Variants in MISP observed in about 807,000 individuals in gnomAD.
MISP encodes the protein mitotic spindle positioning, also known as mitotic interactor and substrate of PLK1.
A neutral mutation model predicts 49.3 loss-of-function variants in MISP; 51 were observed. That is an observed-to-expected ratio of 1.03 (90% CI 0.83 to 1.31). The LOEUF is 1.31. Ranked by LOEUF, MISP falls within the 50% of genes most tolerant of loss-of-function variation. MISP has a pLI of 0.00. For synonymous variants in MISP, 444 were observed against 392.6 expected (o/e 1.13, Z -1.55); for missense variants, 1,084 against 935.1 (o/e 1.16, Z -2.08).
intron 1 of MISP, among the ~76,000 whole-genome samples, chr19:752,180 G>A (rs886819402): frequency 3.9e-5 from 6 of 152,276 alleles, no homozygotes; most frequent in African/African-American, 1.4e-4. Flanking sequence ...ACGGTTCCAA[G>A]GTGTTGCAGG....
At chr19:762,543 G>A (rs558738075) in intron 4 of MISP, among the ~76,000 whole-genome samples, 14 of 152,266 alleles carry the variant, frequency 9.2e-5, no homozygotes, top group Admixed American at 2.6e-4. Flanking sequence ...GTGAGCCACC[G>A]CACCCAGCCA....
chr19:751,386 A>G (rs2033457321), intron 1 of MISP, among the ~76,000 whole-genome samples: 1 of 152,102 alleles, frequency 6.6e-6, no homozygotes, highest in Admixed American at 6.5e-5. Flanking sequence ...TGGGGCCTCA[A>G]GGGCACCCAC....
upstream of MISP, among the ~76,000 whole-genome samples, chr19:748,575 C>T (rs954503646): frequency 6.6e-6 from 1 of 152,148 alleles, no homozygotes; most frequent in Non-Finnish European, 1.5e-5. Flanking sequence ...CCGGGGGGCC[C>T]TCGGGTTCTG....
In MISP at chr19:757,120, G is replaced by C; in HGVS notation, c.174G>C (p.Gln58His). The C allele has an allele frequency of 6.2e-7, 1 of 1,613,210 alleles. No homozygotes were observed. Among genetic ancestry groups the C allele is most frequent in the Non-Finnish European group, 8.5e-7 (1 of 1,179,866 alleles). ...CATGGCCCACTGACCACAGGGCCCA[G>C]CAGGGCGTGCAGAGGCAGGGGGTGT... is the stretch of plus-strand genomic sequence containing the variant. Reference protein sequence around the residue: ...PQTWPTDHRAQQGVQRQGVSY... With the variant: ...PQTWPTDHRAHQGVQRQGVSY... Residue 58 changes from glutamine (Q) to histidine (H), a missense_variant, in exon 2 of 5, where the codon CAG becomes CAC. Gln to His is a conservative substitution (Grantham distance 24). Transcript: ENST00000215582.
rs200687023 is a variant in MISP, at chr19:757,830, G to A, written c.884G>A (p.Arg295Gln). Residue 295 changes from arginine (R) to glutamine (Q), a missense_variant, in exon 2 of 5, where the codon CGG becomes CAG. Physicochemically the swap from Arg to Gln is conservative, Grantham distance 43. Transcript: ENST00000215582. ...PGTPKETPIE[R>Q]EIRLAQEREA... Reference sequence around the variant, plus strand: ...ACCCCCAAGGAGACGCCCATCGAGCGGGAGATCCGTCTGGCTCAGGAGCGT... The same window carrying A: ...ACCCCCAAGGAGACGCCCATCGAGCAGGAGATCCGTCTGGCTCAGGAGCGT... The A allele has an allele frequency of 3.3e-5, 53 of 1,611,234 alleles. No homozygotes were observed. The Admixed American group carries it at 6.0e-4, about 18-fold the overall frequency.
chr19:753,283 T>G (rs1599179783), intron 1 of MISP, among the ~76,000 whole-genome samples: 1 of 152,204 alleles, frequency 6.6e-6, no homozygotes, highest in Admixed American at 6.5e-5. Context: ...CATGACACAT[T>G]GCGTGTAGTT....
upstream of MISP, among the ~76,000 whole-genome samples, chr19:750,647 C>A (rs1225191739): frequency 6.6e-6 from 1 of 152,124 alleles, no homozygotes; most frequent in East Asian, 1.9e-4. Context: ...CCACACCAAA[C>A]CCCCCCGAGT....
intron 1 of MISP, among the ~76,000 whole-genome samples, chr19:756,434 C>G (rs1271990285): frequency 1.3e-5 from 2 of 151,984 alleles, no homozygotes; most frequent in East Asian, 3.9e-4. Context: ...CAGGATGAGT[C>G]ACTTACCCAT....
In MISP at chr19:757,291, CG is replaced by C; in HGVS notation, c.349del (p.Glu117ArgfsTer5). 1.2e-6 allele frequency: 2 copies of C among 1,614,028 alleles called. No homozygotes were observed. The highest frequency in any genetic ancestry group is 1.7e-6 in the Non-Finnish European group (2 of 1,179,988). On this transcript the variant is annotated frameshift_variant, in exon 2 of 5. Transcript: ENST00000215582. LOFTEE classifies it high-confidence loss of function. ...RPTWALRPEDGEDKEMKTYRL... is the reference protein window; with the variant it reads ...RPTWALRPEDXEDKEMKTYRL... ...CAACATGGGCACTCCGCCCAGAGGACGGGGAGGACAAGGAGATGAAGACCTA... is the reference window on the plus strand; with the variant it reads ...CAACATGGGCACTCCGCCCAGAGGACGGGAGGACAAGGAGATGAAGACCTA...
intron 4 of MISP, among the ~76,000 whole-genome samples, chr19:762,167 T>C (rs1261195703): frequency 4.0e-5 from 6 of 150,644 alleles, no homozygotes; most frequent in African/African-American, 1.2e-4. Flanking sequence ...TTAGCCAGGA[T>C]GGTCTCGATC....
At chr19:754,417 C>A (rs61522927) in intron 1 of MISP, among the ~76,000 whole-genome samples, 2 of 151,916 alleles carry the variant, frequency 1.3e-5, no homozygotes, top group Non-Finnish European at 2.9e-5. Context: ...GAGCCGAGAT[C>A]GCGCCACTGC....
rs2033710209 is a variant in MISP at position 763,624 on chromosome 19, C to T, written c.*34C>T. ...ATGGGGCGCCCACCCCCTGCCCTGC[C>T]CTGACCCTCGTGGGAACTGCCAAGA... On this transcript the variant is annotated 3_prime_UTR_variant, in exon 5 of 5. Coordinates refer to ENST00000215582, the MANE Select transcript of MISP (RefSeq NM_173481.4). 6.6e-7 allele frequency: 1 copy of T among 1,523,824 alleles called. No homozygotes were observed. Among genetic ancestry groups the T allele is most frequent in the Non-Finnish European group, 9.1e-7 (1 of 1,103,732 alleles). The allele number at this position is 1,523,824 out of a possible 1,614,324, so 94.4% of individuals were successfully genotyped here. A position where few individuals can be genotyped will look rare whatever the true frequency, so the allele number is the denominator to read the frequency against.
At chr19:762,313 C>G (rs1568245772) in intron 4 of MISP, among the ~76,000 whole-genome samples, 1 of 148,000 alleles carries the variant, frequency 6.8e-6, no homozygotes, top group Admixed American at 6.7e-5. Flanking sequence ...AGTGGAGTGG[C>G]TTGACCTCGG....
At chr19:759,026 T>G (rs977335743) in intron 2 of MISP, among the ~76,000 whole-genome samples, 6 of 152,194 alleles carry the variant, frequency 3.9e-5, no homozygotes, top group African/African-American at 1.4e-4. Context: ...TTTTTTGTTT[T>G]TCGGTTTTCT....
chr19:755,196 C>G (rs748256515), intron 1 of MISP, among the ~76,000 whole-genome samples: 2 of 152,136 alleles, frequency 1.3e-5, no homozygotes, highest in Non-Finnish European at 2.9e-5. Flanking sequence ...TGTGTGACCT[C>G]CGGGAAGGCT....
At chr19:753,606 C>T (rs1186556165) in intron 1 of MISP, among the ~76,000 whole-genome samples, 1 of 151,748 alleles carries the variant, frequency 6.6e-6, no homozygotes, top group Non-Finnish European at 1.5e-5. Context: ...CCAGGATGGT[C>T]TCGATCTCCT....
In MISP at chr19:758,676, C is replaced by CT. The variant is rs2033622427; in HGVS notation, c.1730_1731insT (p.Pro578AlafsTer3). On this transcript the variant is annotated frameshift_variant, in exon 2 of 5. Coordinates refer to ENST00000215582, the MANE Select transcript of MISP (RefSeq NM_173481.4). LOFTEE classifies it high-confidence loss of function. ...CTCTTCCCAGAGGTCTTCTCCCCAACGCCAGATGAGAACTCTGACCAGAAC... is the reference window on the plus strand; with the variant it reads ...CTCTTCCCAGAGGTCTTCTCCCCAACTGCCAGATGAGAACTCTGACCAGAAC... 2 of 1,614,086 alleles carry CT rather than the reference C, an allele frequency of 1.2e-6. No homozygotes were observed. Among genetic ancestry groups the CT allele is most frequent in the African/African-American group, 2.7e-5 (2 of 74,942 alleles).
upstream of MISP, among the ~76,000 whole-genome samples, chr19:750,595 GA>G (rs2033447062): frequency 1.3e-5 from 2 of 152,120 alleles, no homozygotes; most frequent in South Asian, 4.1e-4. Context: ...TCCCGGAGGA[GA>G]AAACAGGGCT....
At chr19:756,112 T>G (rs1034235197) in intron 1 of MISP, among the ~76,000 whole-genome samples, 1 of 152,076 alleles carries the variant, frequency 6.6e-6, no homozygotes, top group African/African-American at 2.4e-5. Context: ...TCAGGGAGCT[T>G]AAAAGTTTTC....
Sources: gnomAD v4.1 joint callset for allele counts (sites outside exome capture counted in the v4.1 genomes callset) on GRCh38, gnomAD v4.1.1 for gene constraint, MANE v1.5 for transcripts, NCBI Gene and HGNC (gene_info 2026-07-23, HGNC 2026-07-21) for gene names.